Variants in CDKL3 observed in about 807,000 individuals in gnomAD.
CDKL3 encodes cyclin dependent kinase like 3, also known as cyclin-dependent kinase-like 3.
In CDKL3, 65 loss-of-function variants were observed where a neutral mutation model predicts 69.3. The ratio of observed to expected loss-of-function variants is 0.94; its 90% confidence interval spans 0.77 to 1.15. CDKL3 has a LOEUF of 1.15. Ranked by LOEUF, CDKL3 falls within the 50% of genes most tolerant of loss-of-function variation. The pLI, the probability that CDKL3 is intolerant of heterozygous loss-of-function variation, is 0.00. For synonymous variants in CDKL3, 202 were observed against 221.6 expected (o/e 0.91, Z 0.79); for missense variants, 652 against 689.2 (o/e 0.95, Z 0.61).
intron 4 of CDKL3, among the ~76,000 whole-genome samples, chr5:134,322,306 C>T (rs1391190534): frequency 6.6e-6 from 1 of 152,190 alleles, no homozygotes; most frequent in Non-Finnish European, 1.5e-5. Context: ...GCCACCACGC[C>T]TGGCCCATTT....
intron 6 of CDKL3, among the ~76,000 whole-genome samples, chr5:134,315,736 C>T (rs1770879185): frequency 6.6e-6 from 1 of 152,162 alleles, no homozygotes; most frequent in South Asian, 2.1e-4. Context: ...AGATACCTCC[C>T]AGCTACTCAG....
chr5:134,315,009 A>G (rs1248596058), intron 6 of CDKL3, among the ~76,000 whole-genome samples: 1 of 152,154 alleles, frequency 6.6e-6, no homozygotes, highest in Admixed American at 6.6e-5. Context: ...CCTCAATAAC[A>G]TTGTTTAGAA....
chr5:134,358,411 C>CA (rs1361646159), intron 3 of CDKL3, among the ~76,000 whole-genome samples: 3 of 152,256 alleles, frequency 2.0e-5, no homozygotes, highest in African/African-American at 7.2e-5. Flanking sequence ...CAGTTTAGCC[C>CA]AGACTGAGAT....
At chr5:134,326,827 A>ATATGTGTGTGTG (rs1554090769) in intron 4 of CDKL3, among the ~76,000 whole-genome samples, 66 of 103,086 alleles carry the variant, frequency 6.4e-4, no homozygotes, top group South Asian at 2.4e-3. Flanking sequence ...GTATATATAT[A>ATATGTGTGTGTG]TATATATATA....
intron 7 of CDKL3, among the ~76,000 whole-genome samples, 186 bp from the exon 8 acceptor site, chr5:134,308,913 T>C (rs886797924): frequency 1.8e-4 from 27 of 152,372 alleles, no homozygotes; most frequent in African/African-American, 6.3e-4. Context: ...TAAAGATACA[T>C]CTTTCGAAAA....
intron 4 of CDKL3, among the ~76,000 whole-genome samples, chr5:134,348,724 A>C (rs1462513728): frequency 6.6e-6 from 1 of 152,236 alleles, no homozygotes; most frequent in Non-Finnish European, 1.5e-5. Context: ...TCATCAAATG[A>C]GGGTAAAACT....
intron 12 of CDKL3, among the ~76,000 whole-genome samples, chr5:134,300,483 G>A (rs1766046357): frequency 6.6e-6 from 1 of 152,136 alleles, no homozygotes; most frequent in African/African-American, 2.4e-5. Context: ...TTAAAAATAT[G>A]TCATATTCTT....
At chr5:134,329,524 A>C (rs1775242792) in intron 4 of CDKL3, among the ~76,000 whole-genome samples, 1 of 151,464 alleles carries the variant, frequency 6.6e-6, no homozygotes, top group Non-Finnish European at 1.5e-5. Context: ...CCCAGGCTGG[A>C]ATGCAGTGGA....
chr5:134,304,265 G>A (rs1003595910), intron 11 of CDKL3, 140 bp downstream of exon 11: 4 of 673,138 alleles, frequency 5.9e-6, no homozygotes, highest in Non-Finnish European at 9.5e-6. Flanking sequence ...ACAATGGGGA[G>A]AAAATCTCAT....
At chr5:134,353,278 C>T (rs1753760755) in intron 3 of CDKL3, among the ~76,000 whole-genome samples, 1 of 152,094 alleles carries the variant, frequency 6.6e-6, no homozygotes, top group Admixed American at 6.6e-5. Flanking sequence ...TCTTCTTCTC[C>T]CCCAAACCTA....
chr5:134,363,267 T>A (rs1756499128), intron 2 of CDKL3, among the ~76,000 whole-genome samples: 2 of 152,064 alleles, frequency 1.3e-5, no homozygotes. Flanking sequence ...ACTGACTCAC[T>A]TTTCATTGTC....
intron 4 of CDKL3, among the ~76,000 whole-genome samples, chr5:134,334,327 G>A (rs1433794276): frequency 4.6e-5 from 7 of 152,036 alleles, no homozygotes; most frequent in Admixed American, 2.6e-4. Flanking sequence ...TCTGATCTTA[G>A]TTATTTCTTG....
At chr5:134,330,018 A>G (rs1775382559) in intron 4 of CDKL3, among the ~76,000 whole-genome samples, 1 of 151,450 alleles carries the variant, frequency 6.6e-6, no homozygotes, top group Non-Finnish European at 1.5e-5. Flanking sequence ...TCAAAAAAAA[A>G]AAATTAATAA....
downstream of CDKL3, among the ~76,000 whole-genome samples, chr5:134,294,271 A>G (rs778947622): frequency 8.5e-5 from 13 of 152,164 alleles, 1 homozygote; most frequent in Non-Finnish European, 2.9e-5. Flanking sequence ...AAGACCATCT[A>G]AGTAGATGAA....
chr5:134,334,212 T>G (rs6878419), intron 4 of CDKL3, among the ~76,000 whole-genome samples: 20,409 of 152,106 alleles, frequency 0.13, 1,638 homozygotes, highest in African/African-American at 0.21. Flanking sequence ...TTTATTAGTC[T>G]TGCTAGCAGT....
chr5:134,312,607 C>G (rs1769862955), intron 6 of CDKL3, among the ~76,000 whole-genome samples: 2 of 152,218 alleles, frequency 1.3e-5, no homozygotes, highest in African/African-American at 4.8e-5. Flanking sequence ...TCCCATGATT[C>G]TAGCCAAAAC....
At chr5:134,362,800 G>A (rs1229008652) in intron 2 of CDKL3, among the ~76,000 whole-genome samples, 2 of 151,536 alleles carry the variant, frequency 1.3e-5, no homozygotes, top group African/African-American at 4.9e-5. Context: ...GTGGTCGTAC[G>A]TGCCTGTAAT....
rs1477187480 is a variant in CDKL3, at chr5:134,351,047, A to G, written c.361-620T>C. 9.9e-5 allele frequency among the ~76,000 whole-genome samples: 15 copies of G among 152,188 alleles called. No individual in the cohort carries two copies. In the East Asian group the frequency reaches 2.9e-3, roughly 29 times the overall value. ...TCTCTTTTGTTCCTACATTGCATTA[A>G]ACTTCTCTAGCCAAAGCCATCTACA... is the stretch of plus-strand genomic sequence containing the variant. On this transcript the variant is annotated intron_variant, in intron 3 of 12. Transcript: ENST00000265334.
chr5:134,329,449 T>G (rs926193108), intron 4 of CDKL3, among the ~76,000 whole-genome samples: 2 of 151,886 alleles, frequency 1.3e-5, no homozygotes, highest in East Asian at 1.9e-4. Context: ...TTAATTAATT[T>G]AATTTAATTT....
Sources: gnomAD v4.1 joint callset for allele counts (sites outside exome capture counted in the v4.1 genomes callset) on GRCh38, gnomAD v4.1.1 for gene constraint, MANE v1.5 for transcripts, NCBI Gene and HGNC (gene_info 2026-07-23, HGNC 2026-07-21) for gene names.